The following ERMP1 variants were observed in gnomAD, a reference collection of about 807,000 sequenced individuals.
ERMP1 encodes the protein Felix-ina.
A neutral mutation model predicts 92.0 loss-of-function variants in ERMP1; 86 were observed. That is an observed-to-expected ratio of 0.93 (90% CI 0.79 to 1.12). The LOEUF (loss-of-function observed/expected upper bound fraction) is 1.12. Among genes scored for constraint, ERMP1 ranks in the 50% most tolerant of loss-of-function variants. The pLI is 0.00. For synonymous variants in ERMP1, 530 were observed against 412.8 expected, an observed-to-expected ratio of 1.28 and a Z score of -3.44; for missense variants, 1,342 against 1,116.3, an observed-to-expected ratio of 1.20 and a Z score of -2.88.
Position 5,805,657 on chromosome 9 carries a change from G to A in ERMP1, c.1677C>T (p.Phe559=). Residue 559 remains phenylalanine, a synonymous_variant, in exon 9 of 15, where the codon TTC becomes TTT. Transcript: ENST00000339450. ...SAFISAVWVA[F]PLLTKLCVHK... is the part of the protein sequence containing the mutation. ...GCACACAGAGCTTTGTGAGCAATGGGAATGCTACCCAGACAGCACTAATAA... is the reference window on the plus strand; with the variant it reads ...GCACACAGAGCTTTGTGAGCAATGGAAATGCTACCCAGACAGCACTAATAA... 1 of 1,609,868 alleles carries A rather than the reference G, an allele frequency of 6.2e-7. No individual in the cohort carries two copies. Among genetic ancestry groups the A allele is most frequent in the Non-Finnish European group, 8.5e-7 (1 of 1,178,564 alleles).
At chr9:5,825,427 C>A (rs1829695570) in intron 2 of ERMP1, among the ~76,000 whole-genome samples, 1 of 152,186 alleles carries the variant, frequency 6.6e-6, no homozygotes, top group Admixed American at 6.5e-5. Flanking sequence ...CACTGACTTA[C>A]TCTCAATGCC....
At chr9:5,835,348 G>A (rs1387337549), upstream of ERMP1, among the ~76,000 whole-genome samples, 1 of 135,294 alleles carries the variant, frequency 7.4e-6, no homozygotes, top group African/African-American at 2.5e-5. Flanking sequence ...AAGAGACAAT[G>A]AACGCGCGCG....
At chr9:5,848,065 G>A (rs1830261225) in intron 6 of ERMP1, among the ~76,000 whole-genome samples, 1 of 152,156 alleles carries the variant, frequency 6.6e-6, no homozygotes, top group Admixed American at 6.5e-5. Context: ...GGCTGAGGTG[G>A]GATCTGAAGA....
At chr9:5,788,707 AAAAG>A (rs1264476393) in intron 13 of ERMP1, among the ~76,000 whole-genome samples, 1 of 152,184 alleles carries the variant, frequency 6.6e-6, no homozygotes, top group Non-Finnish European at 1.5e-5. Context: ...CTTGGAAAAA[AAAAG>A]AAATAACCAT....
intron 5 of ERMP1, among the ~76,000 whole-genome samples, chr9:5,862,789 A>C (rs759737066): frequency 6.6e-6 from 1 of 152,212 alleles, no homozygotes; most frequent in African/African-American, 2.4e-5. Context: ...ATTCCAAAGG[A>C]GTGTCTACTT....
chr9:5,804,471 AG>A (rs1434180096), intron 10 of ERMP1, among the ~76,000 whole-genome samples: 1 of 152,186 alleles, frequency 6.6e-6, no homozygotes, highest in Admixed American at 6.5e-5. Context: ...AGGACTGACA[AG>A]GCCTGTGATC....
Position 5,810,142 on chromosome 9 carries a change from C to T in ERMP1, c.1417G>A (p.Val473Met). Residue 473 changes from valine to methionine, a missense_variant, in exon 8 of 15, where the codon GTG becomes ATG. By Grantham distance (21) the Val-to-Met change is conservative. Transcript: ENST00000339450. ...GACTGTCCAATAAGAGAGATGAACA[C>T]TGCTATAATGAGAACGGTAACAAGG... ...TSLVTVLIIA[V>M]FISLIGQSLS... 1 of 1,613,976 alleles carries T rather than the reference C, an allele frequency of 6.2e-7. No individual in the cohort carries two copies. The highest frequency in any genetic ancestry group is 2.2e-5 in the East Asian group (1 of 44,866).
chr9:5,833,189 T>C, upstream of ERMP1: 1 of 644,640 alleles, frequency 1.6e-6, no homozygotes, highest in Admixed American at 4.3e-5. Flanking sequence ...AAGACCCAGC[T>C]TCTTTGGCAG....
intron 6 of ERMP1, among the ~76,000 whole-genome samples, chr9:5,857,236 G>GGTCTC (rs1399881449): frequency 6.6e-6 from 1 of 152,004 alleles, no homozygotes; most frequent in Non-Finnish European, 1.5e-5. Flanking sequence ...TGCCCAGGCT[G>GGTCTC]GTCTCAAACC....
chr9:5,857,140 G>T (rs1048348842), intron 6 of ERMP1, among the ~76,000 whole-genome samples: 4 of 151,960 alleles, frequency 2.6e-5, no homozygotes, highest in African/African-American at 7.3e-5. Flanking sequence ...TCCCACCTCA[G>T]ACTCCCAAGT....
At position 5,805,639 on chromosome 9, in the gene ERMP1, G is replaced by A. The variant is rs147551715; in HGVS notation, c.1695C>T (p.Leu565=). 67 of 1,606,392 alleles carry A rather than the reference G, an allele frequency of 4.2e-5. No homozygotes were observed. In the African/African-American group the frequency reaches 8.5e-4, roughly 20 times the overall value. ...VWVAFPLLTK[L]CVHKDFKQHG... ...GCTGCTTGAAGTCCTTATGCACACA[G>A]AGCTTTGTGAGCAATGGGAATGCTA... Residue 565 remains leucine, a synonymous_variant, in exon 9 of 15, where the codon CTC becomes CTT. Transcript: ENST00000339450.
At position 5,810,126 on chromosome 9, in the gene ERMP1, A is replaced by G. The variant is rs765047672; in HGVS notation, c.1433T>C (p.Ile478Thr). The G allele has an allele frequency of 7.4e-6, 12 of 1,613,986 alleles. No individual in the cohort carries two copies. The highest frequency in any genetic ancestry group is 6.7e-5 in the African/African-American group (5 of 75,054). Residue 478 changes from isoleucine (I) to threonine (T), a missense_variant, in exon 8 of 15, where the codon ATT becomes ACT. Physicochemically the swap from Ile to Thr is moderately conservative, Grantham distance 89. Coordinates refer to ENST00000339450, the MANE Select transcript of ERMP1 (RefSeq NM_024896.3). ...VLIIAVFISL[I>T]GQSLSWYNHF... Reference sequence around the variant, plus strand: ...GTTATACCATGAGAGAGACTGTCCAATAAGAGAGATGAACACTGCTATAAT... The same window carrying G: ...GTTATACCATGAGAGAGACTGTCCAGTAAGAGAGATGAACACTGCTATAAT...
chr9:5,833,197 C>T (rs1830030442), upstream of ERMP1: 4 of 611,216 alleles, frequency 6.5e-6, no homozygotes, highest in East Asian at 1.4e-4. Context: ...GCTTCTTTGG[C>T]AGTTCTCGGG....
chr9:5,860,641 G>GA (rs1830459051), intron 5 of ERMP1, among the ~76,000 whole-genome samples: 1 of 150,506 alleles, frequency 6.6e-6, no homozygotes, highest in Non-Finnish European at 1.5e-5. Flanking sequence ...AGATCGGGGG[G>GA]TCTCACTCTG....
rs1405375736 is a variant in ERMP1, at chr9:5,799,054, C to T, written c.2068-46G>A. Reference sequence around the variant, plus strand: ...AAAAAACTGTTTCAACTAGTACACCCACATTCCCACCCCAGATTACAAAAA... The same window carrying T: ...AAAAAACTGTTTCAACTAGTACACCTACATTCCCACCCCAGATTACAAAAA... On this transcript the variant is annotated intron_variant, in intron 11 of 14. Transcript: ENST00000339450. 4 of 1,356,364 alleles carry T rather than the reference C, an allele frequency of 2.9e-6. No homozygotes were observed. The African/African-American group carries it at 5.8e-5, about 20-fold the overall frequency. 84.0% of individuals were successfully genotyped at this position (1,356,364 alleles called of 1,614,324 possible). A position where few individuals can be genotyped will look rare whatever the true frequency, so the allele number is the denominator to read the frequency against.
intron 13 of ERMP1, among the ~76,000 whole-genome samples, chr9:5,793,047 T>C (rs1828267245): frequency 6.6e-6 from 1 of 152,192 alleles, no homozygotes; most frequent in African/African-American, 2.4e-5. Context: ...TGGTTATGTA[T>C]ACTTATATGT....
chr9:5,831,364 C>T (rs1829932468), intron 1 of ERMP1, among the ~76,000 whole-genome samples: 1 of 152,094 alleles, frequency 6.6e-6, no homozygotes, highest in African/African-American at 2.4e-5. Context: ...CCAGGACTTT[C>T]GGAGGCTGAG....
Position 5,830,936 on chromosome 9 carries a change from A to G in ERMP1, c.431T>C (p.Ile144Thr). 3 of 1,614,124 alleles carry G rather than the reference A, an allele frequency of 1.9e-6. No individual in the cohort carries two copies. Among genetic ancestry groups the G allele is most frequent in the South Asian group, 2.2e-5 (2 of 91,074 alleles). ...GTTGCTTTGCACTTCAATCAGTTTA[A>G]TCTGTTCCAAAAGGTAGTGCACGGT... Reference protein sequence around the residue: ...ILTVHYLLEQIKLIEVQSNSL... With the variant: ...ILTVHYLLEQTKLIEVQSNSL... The change falls in exon 2 of 15, where the codon ATT (isoleucine) becomes ACT (threonine). Residue 144 changes from isoleucine to threonine, a missense_variant. Transcript: ENST00000339450.
intron 6 of ERMP1, among the ~76,000 whole-genome samples, chr9:5,850,427 A>AAAG (rs1563782129): frequency 1.5e-4 from 21 of 144,642 alleles, no homozygotes; most frequent in South Asian, 9.0e-4. Context: ...AAAAAAAAAA[A>AAAG]AAGAAGAAGA....
Sources: allele counts gnomAD v4.1 joint callset (sites outside exome capture counted in the v4.1 genomes callset), GRCh38; gene constraint gnomAD v4.1.1; transcripts MANE v1.5; gene names NCBI Gene and HGNC (gene_info 2026-07-23, HGNC 2026-07-21).